KIAA1549L: variants seen among roughly 807,000 people sequenced by gnomAD.
KIAA1549L encodes KIAA1549 like.
KIAA1549L carries 88 observed loss-of-function variants against 160.7 expected under a neutral mutation model. The ratio of observed to expected loss-of-function variants is 0.55; its 90% CI spans 0.46 to 0.65. The LOEUF (loss-of-function observed/expected upper bound fraction) is 0.65. Ranked by LOEUF, KIAA1549L falls within the 30% of genes least tolerant of loss-of-function variation. The probability of loss-of-function intolerance (pLI) is 0.00; values close to 1 mark genes in which losing one functional copy is unlikely to be tolerated. For synonymous variants in KIAA1549L, 950 were observed against 976.7 expected (o/e 0.97, Z 0.51); for missense variants, 2,258 against 2,437.5 (o/e 0.93, Z 1.55).
chr11:33,523,935 C>A (rs1470256772), intron 1 of KIAA1549L, among the ~76,000 whole-genome samples: 4 of 151,840 alleles, frequency 2.6e-5, no homozygotes, highest in Admixed American at 6.6e-5. Flanking sequence ...ATATTTTGAT[C>A]ATTGTTTTAT....
At chr11:33,407,141 G>A (rs1314831352) in intron 1 of KIAA1549L, among the ~76,000 whole-genome samples, 1 of 138,654 alleles carries the variant, frequency 7.2e-6, no homozygotes, top group South Asian at 2.3e-4. Flanking sequence ...CTGGAGTGCA[G>A]TGGCGTGATC....
chr11:33,536,413 G>T (rs930319146), intron 1 of KIAA1549L, among the ~76,000 whole-genome samples: 1 of 152,188 alleles, frequency 6.6e-6, no homozygotes, highest in African/African-American at 2.4e-5. Flanking sequence ...TGCCAGGCAG[G>T]CTTGGCTCAG....
chr11:33,651,923 C>A (rs1282020534), intron 17 of KIAA1549L, among the ~76,000 whole-genome samples: 1 of 108,990 alleles, frequency 9.2e-6, no homozygotes. Flanking sequence ...CTCCCCCTCC[C>A]TCCCTCCCTT....
intron 1 of KIAA1549L, among the ~76,000 whole-genome samples, chr11:33,495,813 G>A (rs887641068): frequency 3.5e-4 from 53 of 151,654 alleles, no homozygotes; most frequent in African/African-American, 1.2e-3. Context: ...TTTAATGATT[G>A]CCATTCTAAC....
chr11:33,446,988 T>C (rs989071831), intron 1 of KIAA1549L, among the ~76,000 whole-genome samples: 5 of 152,192 alleles, frequency 3.3e-5, no homozygotes, highest in Non-Finnish European at 7.3e-5. Context: ...TGAGGACTAT[T>C]TTGGAGGCTG....
rs114409409 is a variant in KIAA1549L at position 33,386,782 on chromosome 11, C to A, written c.238+9893C>A. Reference sequence around the variant, plus strand: ...GTAGTTTTGTTTTGCTAAAAGGTGTCTGGTTTTGTTAGAAGGGTAGTGCTG... The same window carrying A: ...GTAGTTTTGTTTTGCTAAAAGGTGTATGGTTTTGTTAGAAGGGTAGTGCTG... On this transcript the variant is annotated intron_variant, in intron 1 of 20. Transcript: ENST00000658780. 2.4e-3 allele frequency among the ~76,000 whole-genome samples: 361 copies of A among 151,666 alleles called. 3 individuals carry two copies. The highest frequency in any genetic ancestry group is 8.2e-3 in the African/African-American group (338 of 41,376).
chr11:33,523,761 C>T (rs1247587990), intron 1 of KIAA1549L, among the ~76,000 whole-genome samples: 4 of 152,072 alleles, frequency 2.6e-5, no homozygotes, highest in South Asian at 2.1e-4. Context: ...AAAATTATTA[C>T]GTATTAATTG....
At chr11:33,536,667 G>T (rs1853901119) in intron 1 of KIAA1549L, among the ~76,000 whole-genome samples, 1 of 152,106 alleles carries the variant, frequency 6.6e-6, no homozygotes, top group East Asian at 1.9e-4. Context: ...CCTCTTAATG[G>T]GAGGCATAAA....
intron 11 of KIAA1549L, among the ~76,000 whole-genome samples, chr11:33,588,016 C>G (rs1849931810): frequency 6.6e-6 from 1 of 152,210 alleles, no homozygotes; most frequent in Non-Finnish European, 1.5e-5. Flanking sequence ...GTCCTAGGTT[C>G]AAATGCTGAC....
chr11:33,460,101 A>G (rs1851912488), intron 1 of KIAA1549L, among the ~76,000 whole-genome samples: 2 of 152,168 alleles, frequency 1.3e-5, no homozygotes, highest in African/African-American at 4.8e-5. Context: ...TCTTTCAAAG[A>G]AAGTGATTAA....
chr11:33,583,257 T>A (rs1338285047), intron 10 of KIAA1549L, 81 bp from the exon 11 acceptor site: 30 of 1,344,442 alleles, frequency 2.2e-5, no homozygotes, highest in Middle Eastern at 5.0e-4. Flanking sequence ...GACTTGGGAC[T>A]GGGGTGGGGG....
intron 13 of KIAA1549L, among the ~76,000 whole-genome samples, chr11:33,599,717 C>T (rs1026242680): frequency 6.6e-6 from 1 of 152,176 alleles, no homozygotes; most frequent in Non-Finnish European, 1.5e-5. Flanking sequence ...CCTGTTCCCA[C>T]CTTGGTTCTG....
At chr11:33,435,816 G>GTGTGTGTGTATATATATATATATATA (rs1554976827) in intron 1 of KIAA1549L, among the ~76,000 whole-genome samples, 3 of 39,558 alleles carry the variant, frequency 7.6e-5, no homozygotes, top group African/African-American at 4.8e-4. Context: ...ATATATGTGT[G>GTGTGTGTGTATATATATATATATATA]TGTATATATA....
At position 33,614,571 on chromosome 11, in the gene KIAA1549L, TATATATATATATA is replaced by T. The variant is rs1392827166; in HGVS notation, c.5280-3961_5280-3949del. 1.5e-3 allele frequency among the ~76,000 whole-genome samples: 30 copies of T among 20,606 alleles called. 2 individuals carry two copies. The highest frequency in any genetic ancestry group is 1.8e-3 in the Non-Finnish European group (22 of 12,480). The allele number at this position is 20,606 out of a possible 152,430, so 13.5% of individuals were successfully genotyped here. A position where few individuals can be genotyped will look rare whatever the true frequency, so the allele number is the denominator to read the frequency against. On this transcript the variant is annotated intron_variant, in intron 15 of 20. Coordinates refer to ENST00000658780, the MANE Select transcript of KIAA1549L (RefSeq NM_012194.3). ...ATATATATATATATATATATATATA[TATATATATATATA>T]TTTTTTTTTTTTTTTTTTTTTTTTT...
chr11:33,474,753 A>G (rs1354527639), intron 1 of KIAA1549L, among the ~76,000 whole-genome samples: 1 of 152,262 alleles, frequency 6.6e-6, no homozygotes, highest in East Asian at 1.9e-4. Flanking sequence ...GGCACCCAGT[A>G]GGTACCCAAT....
chr11:33,574,603 T>A, intron 9 of KIAA1549L, 99 bp from the exon 10 acceptor site: 1 of 1,138,088 alleles, frequency 8.8e-7, no homozygotes. Context: ...GCCACAGAAG[T>A]CTTCAGCAGT....
intron 17 of KIAA1549L, among the ~76,000 whole-genome samples, chr11:33,651,799 C>A (rs577600592): frequency 6.6e-6 from 1 of 151,190 alleles, no homozygotes; most frequent in South Asian, 2.1e-4. Flanking sequence ...CATTCCCTCC[C>A]GAGGGACACT....
chr11:33,392,216 A>G (rs1434789754), intron 1 of KIAA1549L, among the ~76,000 whole-genome samples: 1 of 152,244 alleles, frequency 6.6e-6, no homozygotes, highest in African/African-American at 2.4e-5. Flanking sequence ...TGCCCACCCA[A>G]CATTTTATGA....
At chr11:33,415,880 C>T (rs1850877971) in intron 1 of KIAA1549L, among the ~76,000 whole-genome samples, 1 of 151,190 alleles carries the variant, frequency 6.6e-6, no homozygotes, top group Non-Finnish European at 1.5e-5. Flanking sequence ...TCTCGGCTCA[C>T]TGGAGTGCAG....
Sources: allele counts gnomAD v4.1 joint callset (sites outside exome capture counted in the v4.1 genomes callset), GRCh38; gene constraint gnomAD v4.1.1; transcripts MANE v1.5; gene names NCBI Gene and HGNC (gene_info 2026-07-23, HGNC 2026-07-21).